Variants in CCDC88A observed in about 807,000 individuals in gnomAD.
The protein encoded by CCDC88A is girdin.
Under a neutral mutation model 234.3 loss-of-function variants are expected in CCDC88A, and 54 were observed. The ratio of observed to expected loss-of-function variants is 0.23; its 90% CI spans 0.19 to 0.29. The LOEUF is 0.29. Among genes scored for constraint, CCDC88A ranks in the 10% least tolerant of loss-of-function variants. The probability of loss-of-function intolerance (pLI) is 1.00; values close to 1 mark genes in which losing one functional copy is unlikely to be tolerated. For missense variants in CCDC88A, 1,832 were observed against 2,123.4 expected (o/e 0.86, Z 2.70); for synonymous variants, 753 against 737.8 (o/e 1.02, Z -0.33).
chr2:55,355,349 A>T lies in CCDC88A; in HGVS notation c.800+230T>A, dbSNP rs936433692. The T allele has an allele frequency of 1.2e-4, 47 of 400,264 alleles. 1 individual carries two copies. Among genetic ancestry groups the T allele is most frequent in the South Asian group, 9.4e-4 (28 of 29,920 alleles). 24.8% of individuals were successfully genotyped at this position (400,264 alleles called of 1,614,324 possible). ...GCCAAATGAGGACATTATTTTATTTAAAAAAATACATACTAGAATGCTAGA... is the reference window on the plus strand; with the variant it reads ...GCCAAATGAGGACATTATTTTATTTTAAAAAATACATACTAGAATGCTAGA... On this transcript the variant is annotated intron_variant, in intron 8 of 32. Transcript: ENST00000436346.
intron 16 of CCDC88A, chr2:55,331,935 TTTTG>T (rs144691992): frequency 6.6e-6 from 1 of 151,996 alleles, no homozygotes; most frequent in Non-Finnish European, 1.5e-5. Context: ...ACTTGCTTAT[TTTTG>T]TTTGTTGTTA....
At chr2:55,391,618 A>G (rs1016380636) in intron 2 of CCDC88A, among the ~76,000 whole-genome samples, 4 of 152,204 alleles carry the variant, frequency 2.6e-5, no homozygotes, top group Non-Finnish European at 5.9e-5. Flanking sequence ...AAATACAACT[A>G]TTTGAAATGA....
At chr2:55,387,794 A>AG (rs1258637198) in intron 3 of CCDC88A, among the ~76,000 whole-genome samples, 19 of 150,926 alleles carry the variant, frequency 1.3e-4, no homozygotes, top group African/African-American at 4.6e-4. Context: ...AAAAAAAAAA[A>AG]AAAAAGAAAA....
In CCDC88A at chr2:55,334,450, T is replaced by A. The variant is rs949700121; in HGVS notation, c.2371A>T (p.Met791Leu). ...TTTTTCTGCAATGTTTGATTTTCCA[T>A]CTCTAAGTCTTGTAGTTCACTCTCT... ...QLESELQDLE[M>L]ENQTLQKNLE... Residue 791 changes from methionine (M) to leucine (L), a missense_variant, in exon 15 of 33, where the codon ATG (methionine) becomes TTG (leucine). Met to Leu is a conservative substitution (Grantham distance 15). Transcript: ENST00000436346. This position sits in a 1 kb window ranked among gnomAD's most constrained non-coding sequence, Gnocchi z 6.1. The A allele has an allele frequency of 1.9e-6, 3 of 1,589,278 alleles. No homozygotes were observed. Among genetic ancestry groups the A allele is most frequent in the African/African-American group, 2.7e-5 (2 of 73,230 alleles).
At chr2:55,394,970 C>G (rs978550332) in intron 2 of CCDC88A, among the ~76,000 whole-genome samples, 3 of 151,860 alleles carry the variant, frequency 2.0e-5, no homozygotes, top group Admixed American at 6.5e-5. Context: ...CTTAGCCTCC[C>G]GAGTAGCTGG....
chr2:55,294,277 C>T, intron 31 of CCDC88A: 1 of 969,908 alleles, frequency 1.0e-6, no homozygotes, highest in Non-Finnish European at 1.2e-6. Flanking sequence ...GAAGAAAAGA[C>T]AGTTACTTGA....
intron 18 of CCDC88A, among the ~76,000 whole-genome samples, chr2:55,322,169 T>A (rs1299566208): frequency 6.6e-6 from 1 of 152,138 alleles, no homozygotes; most frequent in East Asian, 1.9e-4. Context: ...CATAAATGAA[T>A]ACAAAATTTA....
Position 55,309,616 on chromosome 2 carries a change from T to A in CCDC88A, c.4080-362A>T, listed in dbSNP as rs1682068700. Among the ~76,000 whole-genome samples, 1 of 152,180 alleles carries A rather than the reference T, an allele frequency of 6.6e-6. No individual in the cohort carries two copies. Among genetic ancestry groups the A allele is most frequent in the South Asian group, 2.1e-4 (1 of 4,834 alleles). ...CAGAATTACTTAGGTTTGATTTACT[T>A]GTAGAGAACCATTTCCTGACTCCAG... On this transcript the variant is annotated intron_variant, in intron 23 of 32. Coordinates refer to ENST00000436346, the MANE Select transcript of CCDC88A (RefSeq NM_001365480.1). This position sits in a 1 kb window ranked among gnomAD's most constrained non-coding sequence, Gnocchi z 5.1.
chr2:55,317,730 G>C lies in CCDC88A; in HGVS notation c.3436C>G (p.Arg1146Gly), dbSNP rs1336562206. 1 of 1,613,202 alleles carries C rather than the reference G, an allele frequency of 6.2e-7. No homozygotes were observed. The change falls in exon 20 of 33, where the codon CGA becomes GGA. Residue 1146 changes from arginine (R) to glycine (G), a missense_variant. Coordinates refer to ENST00000436346, the MANE Select transcript of CCDC88A (RefSeq NM_001365480.1). The surrounding 1 kb of genome is among the most constrained non-coding windows in gnomAD (Gnocchi z 4.2). ...ENENESVIKE[R>G]EDLKSLYDSL... ...TCATAGAGAGATTTTAGGTCTTCTC[G>C]CTCTTTGATTACAGATTCATTTTCA...
intron 2 of CCDC88A, among the ~76,000 whole-genome samples, chr2:55,402,003 CTT>C (rs61196696): frequency 0.82 from 125,185 of 151,982 alleles, 52,613 homozygotes; most frequent in Admixed American, 0.91. Flanking sequence ...CCCTTTATTT[CTT>C]TTAGAATAAG....
rs1682095195 is a variant in CCDC88A, at chr2:55,309,774, C to T, written c.4080-520G>A. On this transcript the variant is annotated intron_variant, in intron 23 of 32. Coordinates refer to ENST00000436346, the MANE Select transcript of CCDC88A (RefSeq NM_001365480.1). The surrounding 1 kb of genome is among the most constrained non-coding windows in gnomAD (Gnocchi z 5.1). ...CAATGCCAAAGAATACTATTTACTT[C>T]AGAAACATTAGTGATCATTTACAAT... Among the ~76,000 whole-genome samples, 1 of 152,028 alleles carries T rather than the reference C, an allele frequency of 6.6e-6. No homozygotes were observed. The highest frequency in any genetic ancestry group is 1.5e-5 in the Non-Finnish European group (1 of 68,008).
chr2:55,367,002 T>A (rs1672076077), intron 5 of CCDC88A, among the ~76,000 whole-genome samples: 2 of 152,272 alleles, frequency 1.3e-5, no homozygotes, highest in South Asian at 4.1e-4. Flanking sequence ...TGGAGGCAAC[T>A]CAAGTGTTCA....
At position 55,332,546 on chromosome 2, in the gene CCDC88A, C is replaced by A; in HGVS notation, c.2855+20G>T. On this transcript the variant is annotated intron_variant, in intron 16 of 32. Transcript: ENST00000436346. The surrounding 1 kb of genome is among the most constrained non-coding windows in gnomAD (Gnocchi z 4.5). ...AAAAAAAAAATTTTCAACTGTTTGC[C>A]AAGTAGACTTAGTACTCACCTGTCA... 6.3e-7 allele frequency: 1 copy of A among 1,588,536 alleles called. No individual in the cohort carries two copies. Among genetic ancestry groups the A allele is most frequent in the Non-Finnish European group, 8.5e-7 (1 of 1,170,922 alleles).
At chr2:55,380,260 T>A (rs1674378187) in intron 3 of CCDC88A, among the ~76,000 whole-genome samples, 1 of 151,546 alleles carries the variant, frequency 6.6e-6, no homozygotes, top group South Asian at 2.1e-4. Context: ...AAATAAAAAT[T>A]AAGCAGAGAA....
intron 18 of CCDC88A, among the ~76,000 whole-genome samples, chr2:55,320,288 G>A (rs6733567): frequency 0.054 from 8,231 of 152,064 alleles, 442 homozygotes; most frequent in South Asian, 0.14. Flanking sequence ...AAGCTCTACC[G>A]ATTATTCCAG....
intron 7 of CCDC88A, among the ~76,000 whole-genome samples, chr2:55,357,638 C>T (rs977320304): frequency 2.6e-5 from 4 of 152,054 alleles, no homozygotes; most frequent in Non-Finnish European, 4.4e-5. Flanking sequence ...TGGGGTTTAC[C>T]ACCTTGGGAT....
rs3111412 is a variant in CCDC88A at position 55,362,298 on chromosome 2, T to A, written c.627+10A>T. 0.43 allele frequency: 664,856 copies of A among 1,549,016 alleles called. 149,190 individuals are homozygous for A. Among genetic ancestry groups the A allele is most frequent in the East Asian group, 0.82 (34,590 of 42,084 alleles). ...AAACTTTCACAATATACTGAAAGAA[T>A]TTTACAAACCTCTGAATGTTCATCT... is the stretch of plus-strand genomic sequence containing the variant. On this transcript the variant is annotated intron_variant, in intron 7 of 32. Coordinates refer to ENST00000436346, the MANE Select transcript of CCDC88A (RefSeq NM_001365480.1).
At chr2:55,414,702 C>T (rs1681053515) in intron 2 of CCDC88A, among the ~76,000 whole-genome samples, 3 of 101,406 alleles carry the variant, frequency 3.0e-5, no homozygotes, top group African/African-American at 6.3e-5. Context: ...TGCAAAACAG[C>T]AACAACAGAG....
At chr2:55,301,491 A>G (rs1472135628) in intron 27 of CCDC88A, 4 of 517,758 alleles carry the variant, frequency 7.7e-6, no homozygotes, top group Non-Finnish European at 1.3e-5. Flanking sequence ...CACCAAAAGC[A>G]ATGAAACAAT....
Sources: allele counts gnomAD v4.1 joint callset (sites outside exome capture counted in the v4.1 genomes callset), GRCh38; gene constraint gnomAD v4.1.1; non-coding constraint Gnocchi (gnomAD v3.1); transcripts MANE v1.5; gene names NCBI Gene and HGNC (gene_info 2026-07-23, HGNC 2026-07-21).